Variants in P2RY14 observed in about 807,000 individuals in gnomAD.
The protein encoded by P2RY14 is P2Y purinoceptor 14.
In P2RY14, 2 loss-of-function variants were observed where a neutral mutation model predicts 0.9. The observed-to-expected ratio is 2.16, with a 90% CI of 0.88 to 6.79. The LOEUF (loss-of-function observed/expected upper bound fraction) is 6.79, where lower values mean the gene tolerates loss of function less well. Ranked by LOEUF, P2RY14 falls within the 30% of genes most tolerant of loss-of-function variation. The pLI, the probability that P2RY14 is intolerant of heterozygous loss-of-function variation, is 0.05. For synonymous variants in P2RY14, 158 were observed against 147.2 expected (o/e 1.07, Z -0.53); for missense variants, 378 against 400.1 (o/e 0.94, Z 0.47).
chr3:151,222,968 A>G (rs1336636470), intron 1 of P2RY14, among the ~76,000 whole-genome samples: 1 of 152,128 alleles, frequency 6.6e-6, no homozygotes, highest in African/African-American at 2.4e-5. Flanking sequence ...GTAAATTGGT[A>G]TTTTATACCT....
At chr3:151,268,596 C>G (rs1740277975) in intron 1 of P2RY14, among the ~76,000 whole-genome samples, 1 of 152,096 alleles carries the variant, frequency 6.6e-6, no homozygotes, top group Non-Finnish European at 1.5e-5. Context: ...CAAATTTTGT[C>G]TAATTTGTGA....
chr3:151,221,855 A>G (rs77431147), intron 1 of P2RY14, among the ~76,000 whole-genome samples: 2,832 of 152,240 alleles, frequency 0.019, 90 homozygotes, highest in African/African-American at 0.058. Flanking sequence ...GAGCTGTGAG[A>G]GGAGGGCCAA....
At chr3:151,252,769 T>TAACTTATCTACTAACTAGATAAGTTCTAG (rs1394380265) in intron 1 of P2RY14, among the ~76,000 whole-genome samples, 11 of 152,190 alleles carry the variant, frequency 7.2e-5, no homozygotes, top group African/African-American at 2.2e-4. Flanking sequence ...TGTAATCTAC[T>TAACTTATCTACTAACTAGATAAGTTCTAG]AACTTATCTA....
intron 1 of P2RY14, among the ~76,000 whole-genome samples, chr3:151,228,571 A>G (rs758289872): frequency 1.3e-4 from 20 of 152,224 alleles, no homozygotes; most frequent in Non-Finnish European, 2.2e-4. Flanking sequence ...TATGTGGCCC[A>G]GCAGTGCTTG....
At chr3:151,232,097 A>T (rs141132559) in intron 1 of P2RY14, among the ~76,000 whole-genome samples, 2 of 151,932 alleles carry the variant, frequency 1.3e-5, no homozygotes, top group Non-Finnish European at 1.5e-5. Context: ...TGTCTCTGCT[A>T]TTTTTCTTAC....
intron 1 of P2RY14, among the ~76,000 whole-genome samples, chr3:151,265,399 G>C (rs1739645828): frequency 6.6e-6 from 1 of 152,176 alleles, no homozygotes; most frequent in African/African-American, 2.4e-5. Flanking sequence ...AAGTTTCACA[G>C]ACTGATTTCT....
At position 151,275,696 on chromosome 3, in the gene P2RY14, C is replaced by T. The variant is rs560247026; in HGVS notation, c.-133+2591G>A. On this transcript the variant is annotated intron_variant, in intron 1 of 2. Coordinates refer to ENST00000309170, the MANE Select transcript of P2RY14 (RefSeq NM_014879.4). ...GGGTGCTAGGGAGGAAAAGAAAATT[C>T]CCTGTAAAGAAGAACCAGAAAATTT... Among the ~76,000 whole-genome samples the T allele has an allele frequency of 3.3e-5, 5 of 152,138 alleles. No homozygotes were observed. In the South Asian group the frequency reaches 1.0e-3, roughly 32 times the overall value.
chr3:151,227,871 G>T (rs1730850030), intron 1 of P2RY14, among the ~76,000 whole-genome samples: 1 of 152,132 alleles, frequency 6.6e-6, no homozygotes, highest in Non-Finnish European at 1.5e-5. Context: ...CTTGTGTATT[G>T]TTGGGTGTTT....
chr3:151,226,645 T>C (rs1730544435), intron 1 of P2RY14, among the ~76,000 whole-genome samples: 1 of 152,070 alleles, frequency 6.6e-6, no homozygotes, highest in African/African-American at 2.4e-5. Context: ...TGCATGTGTG[T>C]ATGTTTGAGA....
At chr3:151,257,554 G>A (rs1209521705) in intron 1 of P2RY14, among the ~76,000 whole-genome samples, 4 of 152,222 alleles carry the variant, frequency 2.6e-5, no homozygotes, top group Non-Finnish European at 4.4e-5. Flanking sequence ...TCAGAATACT[G>A]TTGTGAGGAA....
At position 151,213,440 on chromosome 3, in the gene P2RY14, TA is replaced by T. The variant is rs1412402445; in HGVS notation, c.876del (p.Ile293LeufsTer22). ...GGCTGGCATAGAAAGAAATAAATAA[TA>T]GGGTCCAAGCATACATTTGCAGCAG... is the stretch of plus-strand genomic sequence containing the variant. ...LLSAANVCLD[P>X]IIYFFLCQPF... On this transcript the variant is annotated frameshift_variant, in exon 3 of 3. Transcript: ENST00000309170. LOFTEE classifies it high-confidence loss of function. The T allele has an allele frequency of 6.2e-7, 1 of 1,614,034 alleles. No individual in the cohort carries two copies. Among genetic ancestry groups the T allele is most frequent in the Non-Finnish European group, 8.5e-7 (1 of 1,180,000 alleles).
At chr3:151,222,968 A>T (rs1336636470) in intron 1 of P2RY14, among the ~76,000 whole-genome samples, 1 of 152,128 alleles carries the variant, frequency 6.6e-6, no homozygotes, top group East Asian at 1.9e-4. Flanking sequence ...GTAAATTGGT[A>T]TTTTATACCT....
At chr3:151,239,407 A>G (rs779651126) in intron 1 of P2RY14, among the ~76,000 whole-genome samples, 7 of 152,244 alleles carry the variant, frequency 4.6e-5, no homozygotes, top group Non-Finnish European at 1.0e-4. Flanking sequence ...ATTTTCTTCA[A>G]CATACTTTTA....
intron 2 of P2RY14, among the ~76,000 whole-genome samples, chr3:151,215,422 A>G (rs1728008965): frequency 6.6e-6 from 1 of 151,936 alleles, no homozygotes; most frequent in African/African-American, 2.4e-5. Flanking sequence ...ATATTCTACA[A>G]ATGCTCTATT....
rs538935284 is a variant in P2RY14 at position 151,221,137 on chromosome 3, C to T, written c.-132-1495G>A. The stretch of plus-strand genomic sequence containing the variant: ...GCATTTTGCCCCTACCCTAGAGATT[C>T]GTGGAACTTTGAACTTGAGGGAGAT... On this transcript the variant is annotated intron_variant, in intron 1 of 2. Coordinates refer to ENST00000309170, the MANE Select transcript of P2RY14 (RefSeq NM_014879.4). Among the ~76,000 whole-genome samples the T allele has an allele frequency of 2.6e-5, 4 of 152,182 alleles. No individual in the cohort carries two copies. In the South Asian group the frequency reaches 6.2e-4, roughly 24 times the overall value.
rs916742337 is a variant in P2RY14 at position 151,220,099 on chromosome 3, C to T, written c.-132-457G>A. 3.4e-5 allele frequency among the ~76,000 whole-genome samples: 5 copies of T among 147,710 alleles called. No homozygotes were observed. In the East Asian group the frequency reaches 9.8e-4, roughly 29 times the overall value. ...GTCCTATGCATTGTAAGATGTTTAG[C>T]AGCAGTTCTGACTTCTGCCTACTAG... is the stretch of plus-strand genomic sequence containing the variant. On this transcript the variant is annotated intron_variant, in intron 1 of 2. Coordinates refer to ENST00000309170, the MANE Select transcript of P2RY14 (RefSeq NM_014879.4).
At chr3:151,277,278 A>T (rs889784210) in intron 1 of P2RY14, among the ~76,000 whole-genome samples, 1 of 151,924 alleles carries the variant, frequency 6.6e-6, no homozygotes, top group Non-Finnish European at 1.5e-5. Flanking sequence ...TTGTGTGCAC[A>T]CAATTGTATG....
In P2RY14 at chr3:151,214,266, G is replaced by T. The variant is rs1207376429; in HGVS notation, c.51C>A (p.Asn17Lys). The change falls in exon 3 of 3, where the codon AAC becomes AAA. Residue 17 changes from asparagine to lysine, a missense_variant. Coordinates refer to ENST00000309170, the MANE Select transcript of P2RY14 (RefSeq NM_014879.4). ...TQPPDESCSQ[N>K]LLITQQIIPV... Reference sequence around the variant, plus strand: ...GAATGATCTGCTGAGTGATCAGGAGGTTCTGAGAGCAGGATTCATCTGGAG... The same window carrying T: ...GAATGATCTGCTGAGTGATCAGGAGTTTCTGAGAGCAGGATTCATCTGGAG... 6.2e-7 allele frequency: 1 copy of T among 1,614,014 alleles called. No homozygotes were observed. Among genetic ancestry groups the T allele is most frequent in the South Asian group, 1.1e-5 (1 of 91,062 alleles).
At chr3:151,225,214 G>A (rs564373024) in intron 1 of P2RY14, among the ~76,000 whole-genome samples, 1 of 152,212 alleles carries the variant, frequency 6.6e-6, no homozygotes, top group Non-Finnish European at 1.5e-5. Context: ...AGAAGTTGCT[G>A]TTCTCTCTCT....
Sources: gnomAD v4.1 joint callset for allele counts (sites outside exome capture counted in the v4.1 genomes callset) on GRCh38, gnomAD v4.1.1 for gene constraint, MANE v1.5 for transcripts, NCBI Gene and HGNC (gene_info 2026-07-23, HGNC 2026-07-21) for gene names.